Variants in TRPM8 observed in about 807,000 individuals in gnomAD.
TRPM8 encodes the protein transient receptor potential cation channel subfamily M member 8, also known as TRPM8 cationic channel.
Under a neutral mutation model 133.7 loss-of-function variants are expected in TRPM8, and 110 were observed. The observed-to-expected ratio is 0.82, with a 90% CI of 0.70 to 0.96. The LOEUF (loss-of-function observed/expected upper bound fraction) is 0.96. Ranked by LOEUF, TRPM8 falls within the 40% of genes least tolerant of loss-of-function variation. The pLI is 0.00. For synonymous variants in TRPM8, 535 were observed against 532.3 expected, an observed-to-expected ratio of 1.01 and a Z score of -0.07; for missense variants, 1,291 against 1,379.5, an observed-to-expected ratio of 0.94 and a Z score of 1.02.
intron 22 of TRPM8, among the ~76,000 whole-genome samples, chr2:233,996,744 A>G (rs11563055): frequency 0.033 from 4,964 of 152,294 alleles, 167 homozygotes; most frequent in East Asian, 0.19. Context: ...TGGGGAATGA[A>G]TGACTTTTGG....
At chr2:234,005,062 C>T (rs543122271) in intron 22 of TRPM8, among the ~76,000 whole-genome samples, 1 of 152,306 alleles carries the variant, frequency 6.6e-6, no homozygotes, top group East Asian at 1.9e-4. Flanking sequence ...GAGTTCTATG[C>T]ATTCGTTTCT....
chr2:233,969,647 A>C, intron 15 of TRPM8, 48 bp from the exon 16 acceptor site: 1 of 1,135,440 alleles, frequency 8.8e-7, no homozygotes, highest in Non-Finnish European at 1.3e-6. Flanking sequence ...CATCCTGCAT[A>C]CAATTGTGTT....
At chr2:233,960,412 C>T (rs1333185213) in intron 11 of TRPM8, among the ~76,000 whole-genome samples, 1 of 152,128 alleles carries the variant, frequency 6.6e-6, no homozygotes, top group Non-Finnish European at 1.5e-5. Context: ...TCCACACCCC[C>T]ACCCCCGATT....
intron 15 of TRPM8, among the ~76,000 whole-genome samples, chr2:233,967,361 T>C (rs1292155708): frequency 6.6e-6 from 1 of 152,172 alleles, no homozygotes; most frequent in South Asian, 2.1e-4. Context: ...ACAGTTCCAG[T>C]TGTAGAAATG....
intron 21 of TRPM8, among the ~76,000 whole-genome samples, chr2:233,992,090 AG>A (rs1344319816): frequency 6.6e-6 from 1 of 152,144 alleles, no homozygotes; most frequent in Non-Finnish European, 1.5e-5. Context: ...CACTTATGGT[AG>A]GGGGAAAAAA....
chr2:233,921,000 G>A (rs1426510408), intron 1 of TRPM8, among the ~76,000 whole-genome samples: 1 of 151,910 alleles, frequency 6.6e-6, no homozygotes. Context: ...GGGATTACAG[G>A]TGCCCTTCAC....
chr2:233,984,356 A>T (rs1692088537), intron 20 of TRPM8, among the ~76,000 whole-genome samples: 1 of 152,110 alleles, frequency 6.6e-6, no homozygotes, highest in African/African-American at 2.4e-5. Flanking sequence ...GAGATTTCTC[A>T]GACGCACCTT....
At chr2:233,970,052 G>T (rs1691672025) in intron 16 of TRPM8, 158 bp from the exon 17 acceptor site, 1 of 750,384 alleles carries the variant, frequency 1.3e-6, no homozygotes, top group Non-Finnish European at 2.3e-6. Context: ...AAAATGCCAA[G>T]GATTTAATTG....
chr2:233,980,110 G>T (rs1217583731), intron 17 of TRPM8, 78 bp from the exon 18 acceptor site: 3 of 969,606 alleles, frequency 3.1e-6, no homozygotes, highest in East Asian at 5.2e-5. Context: ...GGAAGAAAAT[G>T]AGTGGACATT....
intron 8 of TRPM8, chr2:233,947,529 A>C: frequency 7.7e-7 from 1 of 1,301,138 alleles, no homozygotes; most frequent in Non-Finnish European, 1.0e-6. Context: ...TTGCCCCCAA[A>C]CCAGATGTTT....
intron 21 of TRPM8, among the ~76,000 whole-genome samples, chr2:233,990,653 G>A (rs1460824915): frequency 6.6e-6 from 1 of 152,156 alleles, no homozygotes; most frequent in African/African-American, 2.4e-5. Context: ...GTACAAATGT[G>A]GGGATTTTTC....
intron 15 of TRPM8, 40 bp from the exon 16 acceptor site, chr2:233,969,655 G>A (rs1691659317): frequency 7.8e-7 from 1 of 1,278,438 alleles, no homozygotes; most frequent in Non-Finnish European, 1.1e-6. Context: ...ATACAATTGT[G>A]TTAATAAGGA....
intron 3 of TRPM8, among the ~76,000 whole-genome samples, chr2:233,932,349 C>T (rs1691697129): frequency 6.6e-6 from 1 of 152,230 alleles, no homozygotes; most frequent in Admixed American, 6.5e-5. Context: ...GAGGGCCTTG[C>T]TCCTAGCAAT....
chr2:233,959,830 G>A (rs1691387868), intron 11 of TRPM8, among the ~76,000 whole-genome samples: 1 of 152,078 alleles, frequency 6.6e-6, no homozygotes, highest in African/African-American at 2.4e-5. Context: ...CACCCAGGCT[G>A]GAGTGCAGTG....
chr2:234,011,055 G>C (rs963682303), intron 24 of TRPM8, among the ~76,000 whole-genome samples: 1 of 152,178 alleles, frequency 6.6e-6, no homozygotes, highest in Non-Finnish European at 1.5e-5. Flanking sequence ...GCCACGACCA[G>C]AGTCAAGAAG....
Position 234,005,786 on chromosome 2 carries a change from T to C in TRPM8, c.3131-1067T>C, listed in dbSNP as rs533297653. On this transcript the variant is annotated intron_variant, in intron 22 of 25. Transcript: ENST00000324695. ...ATTAGCTGGGTTTGGTGGTATGCGC[T>C]TGTAGTCCCAGCTGCTTGGGAGGCT... Among the ~76,000 whole-genome samples, 4 of 151,956 alleles carry C rather than the reference T, an allele frequency of 2.6e-5. No individual in the cohort carries two copies. The South Asian group carries it at 8.4e-4, about 32-fold the overall frequency.
intron 17 of TRPM8, chr2:233,970,638 C>T: frequency 1.7e-6 from 1 of 584,084 alleles, no homozygotes; most frequent in South Asian, 2.0e-5. Flanking sequence ...TTATTCTTTG[C>T]TCTCTAATGA....
In TRPM8 at chr2:234,019,210, C is replaced by A. The variant is rs1693032881; in HGVS notation, c.*1954C>A. 6.6e-6 allele frequency: 1 copy of A among 152,158 alleles called. No homozygotes were observed. 9.4% of individuals were successfully genotyped at this position (152,158 alleles called of 1,614,324 possible). A position where few individuals can be genotyped will look rare whatever the true frequency, so the allele number is the denominator to read the frequency against. On this transcript the variant is annotated 3_prime_UTR_variant, in exon 26 of 26. Coordinates refer to ENST00000324695, the MANE Select transcript of TRPM8 (RefSeq NM_024080.5). ...AAGGAATTAACACAAATAAAAGATG[C>A]CTTTTTACTTAAACACCAAGACAGA...
intron 24 of TRPM8, among the ~76,000 whole-genome samples, chr2:234,008,322 T>C (rs1181318538): frequency 6.6e-6 from 1 of 152,160 alleles, no homozygotes; most frequent in Non-Finnish European, 1.5e-5. Flanking sequence ...TCCAAAATCT[T>C]TTCTGTCTTA....
Sources: gnomAD v4.1 joint callset for allele counts (sites outside exome capture counted in the v4.1 genomes callset) on GRCh38, gnomAD v4.1.1 for gene constraint, MANE v1.5 for transcripts, NCBI Gene and HGNC (gene_info 2026-07-23, HGNC 2026-07-21) for gene names.